Variants in EPHA3 observed in about 807,000 individuals in gnomAD.
EPHA3 encodes EPH receptor A3, also known as ephrin type-A receptor 3.
In EPHA3, 42 loss-of-function variants were observed where a neutral mutation model predicts 107.1. The observed-to-expected ratio is 0.39, with a 90% CI of 0.31 to 0.51. The LOEUF is 0.51. EPHA3 is among the 20% of genes least tolerant of loss of function. EPHA3 has a pLI of 0.78. For synonymous variants in EPHA3, 461 were observed against 424.8 expected (o/e 1.09, Z -1.05); for missense variants, 1,183 against 1,211.2 (o/e 0.98, Z 0.35).
intron 2 of EPHA3, among the ~76,000 whole-genome samples, chr3:89,143,027 T>C (rs1704465689): frequency 6.6e-6 from 1 of 151,184 alleles, no homozygotes; most frequent in South Asian, 2.1e-4. Flanking sequence ...AGAATCTAAA[T>C]ATTATTTATA....
At chr3:89,147,291 A>G (rs1303889166) in intron 2 of EPHA3, among the ~76,000 whole-genome samples, 1 of 151,748 alleles carries the variant, frequency 6.6e-6, no homozygotes, top group Admixed American at 6.6e-5. Context: ...CATGGCACAT[A>G]TATACCTATG....
At chr3:89,458,836 A>G (rs980163329) in intron 15 of EPHA3, among the ~76,000 whole-genome samples, 1 of 152,216 alleles carries the variant, frequency 6.6e-6, no homozygotes, top group African/African-American at 2.4e-5. Flanking sequence ...ACACCATGGA[A>G]TACTATGCAG....
chr3:89,357,401 G>A (rs1158302567), intron 5 of EPHA3, among the ~76,000 whole-genome samples: 1 of 150,860 alleles, frequency 6.6e-6, no homozygotes, highest in Non-Finnish European at 1.5e-5. Context: ...TCCAAGATGA[G>A]AATGTCAGAT....
intron 3 of EPHA3, among the ~76,000 whole-genome samples, chr3:89,274,106 C>T (rs146760882): frequency 1.3e-4 from 19 of 151,980 alleles, no homozygotes; most frequent in African/African-American, 4.6e-4. Flanking sequence ...CTAGAAAGTG[C>T]CACAAGTATT....
intron 3 of EPHA3, among the ~76,000 whole-genome samples, chr3:89,232,464 G>T (rs1443119753): frequency 6.6e-6 from 1 of 152,146 alleles, no homozygotes; most frequent in Admixed American, 6.5e-5. Flanking sequence ...GTTGGAAACA[G>T]AAAGGTGTCA....
At chr3:89,129,892 A>G (rs1704169611) in intron 2 of EPHA3, among the ~76,000 whole-genome samples, 1 of 152,178 alleles carries the variant, frequency 6.6e-6, no homozygotes, top group African/African-American at 2.4e-5. Context: ...GTTATTTTTC[A>G]AATTAATTAA....
intron 5 of EPHA3, among the ~76,000 whole-genome samples, chr3:89,388,537 A>AAG (rs1708667476): frequency 6.6e-6 from 1 of 152,198 alleles, no homozygotes; most frequent in South Asian, 2.1e-4. Flanking sequence ...CCAGGTGGAA[A>AAG]AGAGAGAGAT....
chr3:89,400,565 G>A lies in EPHA3; in HGVS notation c.1594+1085G>A, dbSNP rs139923698. ...AACTCATTAATTAATAAACAGATTA[G>A]CAAGAGATTAAAACCTGTGCTAAGA... On this transcript the variant is annotated intron_variant, in intron 7 of 16. Transcript: ENST00000336596. 1.2e-3 allele frequency among the ~76,000 whole-genome samples: 182 copies of A among 152,056 alleles called. 5 individuals carry two copies. The East Asian group carries it at 0.033, about 28-fold the overall frequency.
At chr3:89,128,317 G>A (rs1378048849) in intron 2 of EPHA3, among the ~76,000 whole-genome samples, 1 of 152,022 alleles carries the variant, frequency 6.6e-6, no homozygotes, top group Non-Finnish European at 1.5e-5. Context: ...TTGACAATAT[G>A]CCAAAACCTA....
intron 13 of EPHA3, among the ~76,000 whole-genome samples, chr3:89,434,406 C>A (rs1362084471): frequency 6.6e-6 from 1 of 151,974 alleles, no homozygotes; most frequent in Non-Finnish European, 1.5e-5. Flanking sequence ...TTAGTACAGA[C>A]GGGGTTACTC....
intron 3 of EPHA3, among the ~76,000 whole-genome samples, chr3:89,258,235 T>TG (rs1221307923): frequency 1.3e-5 from 2 of 152,018 alleles, no homozygotes; most frequent in Non-Finnish European, 2.9e-5. Context: ...CAGGGGGCCA[T>TG]GGGGGAGACA....
intron 3 of EPHA3, among the ~76,000 whole-genome samples, chr3:89,302,842 T>C (rs1464169039): frequency 6.6e-6 from 1 of 152,232 alleles, no homozygotes; most frequent in African/African-American, 2.4e-5. Flanking sequence ...ATTTATTGTA[T>C]TACAGGATTA....
intron 16 of EPHA3, among the ~76,000 whole-genome samples, chr3:89,472,908 T>A (rs1302618540): frequency 2.0e-5 from 3 of 152,146 alleles, no homozygotes; most frequent in Non-Finnish European, 4.4e-5. Context: ...ATAACCACAC[T>A]GCAGACTCAA....
At chr3:89,218,958 A>G (rs1272694036) in intron 3 of EPHA3, among the ~76,000 whole-genome samples, 1 of 152,178 alleles carries the variant, frequency 6.6e-6, no homozygotes, top group African/African-American at 2.4e-5. Context: ...AGCATCTTGG[A>G]TTCTAAAGGA....
chr3:89,139,549 G>A (rs567262899), intron 2 of EPHA3, among the ~76,000 whole-genome samples: 123 of 151,912 alleles, frequency 8.1e-4, no homozygotes, highest in Middle Eastern at 3.4e-3. Context: ...TTGTGAAAAC[G>A]TTTATTGATA....
At chr3:89,309,949 A>G (rs1403762693) in intron 3 of EPHA3, among the ~76,000 whole-genome samples, 1 of 151,172 alleles carries the variant, frequency 6.6e-6, no homozygotes, top group Non-Finnish European at 1.5e-5. Flanking sequence ...TACAAGTTAC[A>G]AATCTTGTGA....
chr3:89,258,099 A>C (rs2107275022), intron 3 of EPHA3, among the ~76,000 whole-genome samples: 1 of 152,330 alleles, frequency 6.6e-6, no homozygotes, highest in African/African-American at 2.4e-5. Context: ...GAAGTACACA[A>C]TTACTTATCT....
At chr3:89,144,619 C>T (rs1365746441) in intron 2 of EPHA3, among the ~76,000 whole-genome samples, 1 of 151,704 alleles carries the variant, frequency 6.6e-6, no homozygotes, top group Non-Finnish European at 1.5e-5. Context: ...TGTAAGATGA[C>T]AGTGTGCATT....
intron 3 of EPHA3, among the ~76,000 whole-genome samples, chr3:89,321,091 T>G (rs1331230267): frequency 6.6e-6 from 1 of 152,042 alleles, no homozygotes. Context: ...TATTCACACA[T>G]GTATGCGGAG....
Sources: allele counts gnomAD v4.1 joint callset (sites outside exome capture counted in the v4.1 genomes callset), GRCh38; gene constraint gnomAD v4.1.1; transcripts MANE v1.5; gene names NCBI Gene and HGNC (gene_info 2026-07-23, HGNC 2026-07-21).